The following MAN1B1 variants were observed in gnomAD, a reference collection of about 807,000 sequenced individuals.
MAN1B1 encodes mannosidase alpha class 1B member 1, also known as endoplasmic reticulum mannosyl-oligosaccharide 1,2-alpha-mannosidase.
A neutral mutation model predicts 75.5 loss-of-function variants in MAN1B1; 66 were observed. The ratio of observed to expected loss-of-function variants is 0.87; its 90% CI spans 0.72 to 1.07. The LOEUF (loss-of-function observed/expected upper bound fraction) is 1.07, where lower values mean the gene tolerates loss of function less well. MAN1B1 is among the 50% of genes least tolerant of loss of function. The pLI is 0.00. For synonymous variants in MAN1B1, 453 were observed against 382.8 expected, an observed-to-expected ratio of 1.18 and a Z score of -2.14; for missense variants, 973 against 912.5, an observed-to-expected ratio of 1.07 and a Z score of -0.85.
chr9:137,107,527 A>G lies in MAN1B1; in HGVS notation c.1765-4A>G, dbSNP rs1831158291. The G allele has an allele frequency of 1.2e-6, 2 of 1,612,798 alleles. No individual in the cohort carries two copies. Among genetic ancestry groups the G allele is most frequent in the Admixed American group, 1.7e-5 (1 of 60,014 alleles). ...CCTTGCCCTGAGCTCTGCTCCGCCCACAGCCAGCAGACAGGCACAACCTGC... is the reference window on the plus strand; with the variant it reads ...CCTTGCCCTGAGCTCTGCTCCGCCCGCAGCCAGCAGACAGGCACAACCTGC... On this transcript the variant is annotated splice_region_variant and splice_polypyrimidine_tract_variant and intron_variant, in intron 11 of 12. Coordinates refer to ENST00000371589, the MANE Select transcript of MAN1B1 (RefSeq NM_016219.5).
At chr9:137,091,067 T>C (rs1830501356) in intron 3 of MAN1B1, among the ~76,000 whole-genome samples, 1 of 152,198 alleles carries the variant, frequency 6.6e-6, no homozygotes, top group South Asian at 2.1e-4. Context: ...CTGCTCTTGA[T>C]TGGCCATGGG....
chr9:137,097,775 C>A, intron 4 of MAN1B1, 53 bp from the exon 5 acceptor site: 2 of 1,378,268 alleles, frequency 1.5e-6, no homozygotes, highest in Non-Finnish European at 2.0e-6. Flanking sequence ...GGGTGGGAAA[C>A]ATGGAGCCAC....
intron 12 of MAN1B1, chr9:137,108,041 A>T: frequency 3.3e-6 from 2 of 610,294 alleles, no homozygotes; most frequent in Non-Finnish European, 2.9e-6. Context: ...TCCACGCCAG[A>T]GTGTCACTTC....
chr9:137,101,832 G>A, intron 8 of MAN1B1, 160 bp downstream of exon 8: 1 of 915,172 alleles, frequency 1.1e-6, no homozygotes, highest in Non-Finnish European at 1.7e-6. Context: ...TTCCAGGCGT[G>A]GTCGGTGGTG....
At chr9:137,088,433 TAAG>T (rs1830436654) in intron 2 of MAN1B1, 1 of 1,550,844 alleles carries the variant, frequency 6.4e-7, no homozygotes. Flanking sequence ...CCTTATAGAG[TAAG>T]TCAGCTGGTG....
At chr9:137,103,014 G>T (rs1307179508) in intron 8 of MAN1B1, 1 of 332,524 alleles carries the variant, frequency 3.0e-6, no homozygotes, top group Non-Finnish European at 5.8e-6. Context: ...TGTTGCAGGC[G>T]TGCAGGTCGG....
Position 137,108,674 on chromosome 9 carries a change from C to A in MAN1B1, c.*83C>A. 7.6e-7 allele frequency: 1 copy of A among 1,318,858 alleles called. No homozygotes were observed. The highest frequency in any genetic ancestry group is 1.1e-6 in the Non-Finnish European group (1 of 915,366). The allele number at this position is 1,318,858 out of a possible 1,614,324, so 81.7% of individuals were successfully genotyped here. A position where few individuals can be genotyped will look rare whatever the true frequency, so the allele number is the denominator to read the frequency against. On this transcript the variant is annotated 3_prime_UTR_variant, in exon 13 of 13. Coordinates refer to ENST00000371589, the MANE Select transcript of MAN1B1 (RefSeq NM_016219.5). ...TGGCATTTTCCAAGGGCCCACGTAG[C>A]ACCGGCAACCGCCAAGTGGCCCAGG...
Position 137,104,632 on chromosome 9 carries a change from G to A in MAN1B1, c.1255-1493G>A, listed in dbSNP as rs114165966. 386 of 169,976 alleles carry A rather than the reference G, an allele frequency of 2.3e-3. 4 individuals are homozygous for A. Among genetic ancestry groups the A allele is most frequent in the East Asian group, 7.8e-3 (51 of 6,550 alleles). The allele number at this position is 169,976 out of a possible 1,614,324, so 10.5% of individuals were successfully genotyped here. A position where few individuals can be genotyped will look rare whatever the true frequency, so the allele number is the denominator to read the frequency against. ...CTTTTTCAGGCTGAATATCTGCTGC[G>A]TGGCTAGGCCACTTTTTGTTTAATC... On this transcript the variant is annotated intron_variant, in intron 8 of 12. Coordinates refer to ENST00000371589, the MANE Select transcript of MAN1B1 (RefSeq NM_016219.5).
In MAN1B1 at chr9:137,094,773, A is replaced by G. The variant is rs190648025; in HGVS notation, c.466-1464A>G. 9.0e-3 allele frequency among the ~76,000 whole-genome samples: 1,363 copies of G among 151,718 alleles called. 12 individuals carry two copies. The highest frequency in any genetic ancestry group is 0.023 in the African/African-American group (963 of 41,384). ...CGGGCGCCTGTAATCCCAGCTACTC[A>G]GGAGTCTGAGGCAGGAGAATCACTT... On this transcript the variant is annotated intron_variant, in intron 3 of 12. Coordinates refer to ENST00000371589, the MANE Select transcript of MAN1B1 (RefSeq NM_016219.5).
chr9:137,104,240 TG>T (rs377739094), intron 8 of MAN1B1: 7,069 of 283,746 alleles, frequency 0.025, 5 homozygotes, highest in South Asian at 0.05. Context: ...GTCCTTTTTT[TG>T]TTTTCGTTTG....
intron 8 of MAN1B1, chr9:137,103,773 C>G (rs533075357): frequency 2.9e-4 from 131 of 453,058 alleles, no homozygotes; most frequent in Admixed American, 4.0e-4. Flanking sequence ...TACATTCACA[C>G]TGTTGCAGGT....
intron 10 of MAN1B1, 105 bp downstream of exon 10, chr9:137,106,914 A>G (rs1831130905): frequency 1.3e-6 from 2 of 1,486,232 alleles, no homozygotes; most frequent in Admixed American, 3.7e-5. Context: ...CATGGCGCCC[A>G]CGTGGAGGCC....
At chr9:137,103,168 C>G (rs1361343625) in intron 8 of MAN1B1, 1 of 427,236 alleles carries the variant, frequency 2.3e-6, no homozygotes, top group Non-Finnish European at 4.5e-6. Context: ...TGCAGGCGTG[C>G]AGGTCGGTGG....
In MAN1B1 at chr9:137,107,417, C is replaced by G; in HGVS notation, c.1734C>G (p.Pro578=). ...SPEIVHFNLY[P]QPGRRDVEVK... ...AGATCGTGCACTTCAACCTTTACCC[C>G]CAGCCGGGCCGTCGGGACGTGGAGG... Residue 578 remains proline (P), a synonymous_variant, in exon 11 of 13, where the codon CCC becomes CCG. Coordinates refer to ENST00000371589, the MANE Select transcript of MAN1B1 (RefSeq NM_016219.5). The G allele has an allele frequency of 6.2e-7, 1 of 1,613,494 alleles. No individual in the cohort carries two copies.
intron 2 of MAN1B1, 148 bp downstream of exon 2, chr9:137,088,331 T>C: frequency 6.2e-7 from 1 of 1,602,220 alleles, no homozygotes; most frequent in Non-Finnish European, 8.5e-7. Flanking sequence ...GGTAGAGCTG[T>C]ATGTAACCAC....
chr9:137,087,592 G>T (rs1158024695), intron 1 of MAN1B1: 1 of 488,352 alleles, frequency 2.0e-6, no homozygotes, highest in Non-Finnish European at 3.9e-6. Flanking sequence ...AGCCCCTCTT[G>T]ATTGGCTCCT....
At chr9:137,107,827 T>G in intron 12 of MAN1B1, 165 bp downstream of exon 12, 5 of 869,218 alleles carry the variant, frequency 5.8e-6, no homozygotes, top group Non-Finnish European at 7.4e-6. Context: ...TTGGGGGCCC[T>G]GGCATCCCCA....
intron 5 of MAN1B1, 133 bp from the exon 6 acceptor site, chr9:137,099,563 C>A: frequency 1.1e-6 from 1 of 950,952 alleles, no homozygotes; most frequent in Non-Finnish European, 1.7e-6. Flanking sequence ...CCCACCACCG[C>A]CCTTCCCGTC....
rs1476136894 is a variant in MAN1B1, at chr9:137,101,089, G to A, written c.1001G>A (p.Arg334His). ...GTCAACCTGTTTGAGAGCACGATCC[G>A]CATCCTGGGGGGGCTCCTGAGTGCC... ...VDVNLFESTI[R>H]ILGGLLSAYH... Residue 334 changes from arginine (R) to histidine (H), a missense_variant, in exon 7 of 13, where the codon CGC (arginine) becomes CAC (histidine). By Grantham distance (29) the Arg-to-His change is conservative. Coordinates refer to ENST00000371589, the MANE Select transcript of MAN1B1 (RefSeq NM_016219.5). 17 of 1,613,994 alleles carry A rather than the reference G, an allele frequency of 1.1e-5. No individual in the cohort carries two copies. Among genetic ancestry groups the A allele is most frequent in the African/African-American group, 1.3e-5 (1 of 74,928 alleles).
Sources: gnomAD v4.1 joint callset for allele counts (sites outside exome capture counted in the v4.1 genomes callset) on GRCh38, gnomAD v4.1.1 for gene constraint, MANE v1.5 for transcripts, NCBI Gene and HGNC (gene_info 2026-07-23, HGNC 2026-07-21) for gene names.